Variants in WIPI2 observed in about 807,000 individuals in gnomAD.
WIPI2 encodes the protein WD repeat domain phosphoinositide-interacting protein 2.
Under a neutral mutation model 52.3 loss-of-function variants are expected in WIPI2, and 28 were observed. The ratio of observed to expected loss-of-function variants is 0.54; its 90% confidence interval spans 0.40 to 0.73. WIPI2 has a LOEUF of 0.73. WIPI2 is among the 30% of genes least tolerant of loss of function. The probability of loss-of-function intolerance (pLI) is 0.00; values close to 1 mark genes in which losing one functional copy is unlikely to be tolerated. For synonymous variants in WIPI2, 268 were observed against 245.0 expected (o/e 1.09, Z -0.88); for missense variants, 506 against 602.9 (o/e 0.84, Z 1.68).
intron 2 of WIPI2, among the ~76,000 whole-genome samples, chr7:5,194,747 C>G (rs1032211740): frequency 6.6e-6 from 1 of 152,170 alleles, no homozygotes; most frequent in African/African-American, 2.4e-5. Flanking sequence ...ATTGCAGACG[C>G]AAGCCACCAC....
chr7:5,229,865 A>C (rs1783640118), intron 12 of WIPI2, 127 bp downstream of exon 12: 1 of 1,369,420 alleles, frequency 7.3e-7, no homozygotes, highest in African/African-American at 1.5e-5. Flanking sequence ...TTCTGAGAAC[A>C]TAAGCGAGGT....
At chr7:5,211,576 A>G (rs1256132099) in intron 3 of WIPI2, among the ~76,000 whole-genome samples, 1 of 152,256 alleles carries the variant, frequency 6.6e-6, no homozygotes, top group African/African-American at 2.4e-5. Context: ...GTGAGTTCAC[A>G]GATACTGAGC....
At chr7:5,220,388 G>A (rs563519801) in intron 7 of WIPI2, among the ~76,000 whole-genome samples, 5 of 151,610 alleles carry the variant, frequency 3.3e-5, no homozygotes, top group South Asian at 4.2e-4. Context: ...GATTACAAGC[G>A]CGCGCCACCA....
intron 3 of WIPI2, among the ~76,000 whole-genome samples, chr7:5,207,963 A>C (rs1782373199): frequency 6.6e-6 from 1 of 151,914 alleles, no homozygotes; most frequent in Non-Finnish European, 1.5e-5. Flanking sequence ...ACGGGGTTTC[A>C]CCATGTTGGC....
chr7:5,190,504 GGTCGGGGGTCGGA>G lies in WIPI2; in HGVS notation c.74+19_74+31del, dbSNP rs1239419345. The G allele has an allele frequency of 2.7e-6, 4 of 1,496,080 alleles. No homozygotes were observed. The highest frequency in any genetic ancestry group is 3.6e-6 in the Non-Finnish European group (4 of 1,120,358). The allele number at this position is 1,496,080 out of a possible 1,614,324, so 92.7% of individuals were successfully genotyped here. On this transcript the variant is annotated intron_variant, in intron 1 of 12. Transcript: ENST00000288828. ...CAACCAGGACAACACGTAAGGCCGG[GGTCGGGGGTCGGA>G]GTCGGGGTGAGGCCAGGGTCGGACC...
At chr7:5,200,089 G>A (rs967705716) in intron 3 of WIPI2, among the ~76,000 whole-genome samples, 4 of 152,212 alleles carry the variant, frequency 2.6e-5, no homozygotes, top group African/African-American at 7.2e-5. Context: ...TCGGAGAGGC[G>A]CATGGAACAG....
intron 11 of WIPI2, among the ~76,000 whole-genome samples, chr7:5,228,926 C>G (rs1337872526): frequency 6.6e-6 from 1 of 151,956 alleles, no homozygotes; most frequent in African/African-American, 2.4e-5. Context: ...CTAGGTTGTC[C>G]AGGCTGGTCT....
chr7:5,223,512 C>T (rs1254846043), intron 8 of WIPI2, among the ~76,000 whole-genome samples: 2 of 152,202 alleles, frequency 1.3e-5, no homozygotes, highest in Non-Finnish European at 2.9e-5. Context: ...GTCCCTTGGT[C>T]TTCTTCCTTA....
rs1783524810 is a variant in WIPI2, at chr7:5,227,998, A to G, written c.1014-106A>G. On this transcript the variant is annotated intron_variant, in intron 10 of 12. Transcript: ENST00000288828. The surrounding 1 kb of genome is among the most constrained non-coding windows in gnomAD (Gnocchi z 8.1). ...GACACCTGCAGCTGCCCTTGTGCTC[A>G]TCTTGCTGGGGTCTCTTTCCTCGCC... 2.9e-6 allele frequency: 3 copies of G among 1,040,340 alleles called. No individual in the cohort carries two copies. The highest frequency in any genetic ancestry group is 2.0e-5 in the Admixed American group (1 of 50,832). The allele number at this position is 1,040,340 out of a possible 1,614,324, so 64.4% of individuals were successfully genotyped here.
intron 3 of WIPI2, among the ~76,000 whole-genome samples, chr7:5,203,015 C>G (rs1782106040): frequency 6.6e-6 from 1 of 152,144 alleles, no homozygotes; most frequent in African/African-American, 2.4e-5. Context: ...GTTCTGAAAC[C>G]CAGCACAAGC....
chr7:5,190,495 T>C lies in WIPI2; in HGVS notation c.74+2T>C. ...CGCCAACTTCAACCAGGACAACACG[T>C]AAGGCCGGGGTCGGGGGTCGGAGTC... On this transcript the variant is annotated splice_donor_variant, in intron 1 of 12. Transcript: ENST00000288828. LOFTEE classifies it high-confidence loss of function. 6.7e-7 allele frequency: 1 copy of C among 1,502,672 alleles called. No homozygotes were observed. The highest frequency in any genetic ancestry group is 8.9e-7 in the Non-Finnish European group (1 of 1,124,278). 93.1% of individuals were successfully genotyped at this position (1,502,672 alleles called of 1,614,324 possible).
chr7:5,192,470 A>G (rs1273640693), intron 1 of WIPI2, among the ~76,000 whole-genome samples: 4 of 152,206 alleles, frequency 2.6e-5, no homozygotes, highest in African/African-American at 4.8e-5. Context: ...CTGGACTGCC[A>G]TGTTCCCTGT....
At chr7:5,225,215 A>G (rs1489380096) in intron 8 of WIPI2, among the ~76,000 whole-genome samples, 1 of 151,378 alleles carries the variant, frequency 6.6e-6, no homozygotes. Context: ...ATCTCAGCTC[A>G]CTGCAACCTC....
intron 1 of WIPI2, among the ~76,000 whole-genome samples, chr7:5,192,259 C>G (rs1199722663): frequency 6.6e-6 from 1 of 152,132 alleles, no homozygotes; most frequent in African/African-American, 2.4e-5. Context: ...CATCCCAAAC[C>G]AATTCTAATT....
At chr7:5,192,103 A>C (rs1464931085) in intron 1 of WIPI2, among the ~76,000 whole-genome samples, 2 of 152,202 alleles carry the variant, frequency 1.3e-5, no homozygotes, top group Non-Finnish European at 2.9e-5. Flanking sequence ...TGAATTTAGA[A>C]ATAATAGCAT....
intron 3 of WIPI2, among the ~76,000 whole-genome samples, chr7:5,199,988 G>A (rs1033329737): frequency 6.6e-6 from 1 of 152,150 alleles, no homozygotes; most frequent in East Asian, 1.9e-4. Flanking sequence ...CTGTCATAAA[G>A]GGCTTCCAGA....
intron 8 of WIPI2, 53 bp from the exon 9 acceptor site, chr7:5,225,770 C>T (rs1260983615): frequency 7.3e-7 from 1 of 1,372,096 alleles, no homozygotes; most frequent in South Asian, 1.2e-5. Context: ...GAGTTGAACC[C>T]CTGGGGCAGC....
rs1221405877 is a variant in WIPI2 at position 5,220,642 on chromosome 7, A to AT, written c.670-1953dup. On this transcript the variant is annotated intron_variant, in intron 7 of 12. Coordinates refer to ENST00000288828, the MANE Select transcript of WIPI2 (RefSeq NM_015610.4). ...AGGAACGAATCATCAGGCTTAGCTG[A>AT]TTTTTTTGTTTTTTGTAGAGGTGGG... Among the ~76,000 whole-genome samples, 10 of 150,536 alleles carry AT rather than the reference A, an allele frequency of 6.6e-5. 1 individual carries two copies. In the East Asian group the frequency reaches 2.0e-3, roughly 30 times the overall value.
chr7:5,216,697 A>AT (rs1369468721), intron 5 of WIPI2, 38 bp downstream of exon 5: 20 of 1,602,422 alleles, frequency 1.2e-5, no homozygotes, highest in Non-Finnish European at 1.7e-5. Context: ...CATTTTTCTG[A>AT]TTTTGCCCTT....
Sources: gnomAD v4.1 joint callset for allele counts (sites outside exome capture counted in the v4.1 genomes callset) on GRCh38, gnomAD v4.1.1 for gene constraint, Gnocchi (gnomAD v3.1) non-coding constraint, MANE v1.5 for transcripts, NCBI Gene and HGNC (gene_info 2026-07-23, HGNC 2026-07-21) for gene names.